CPM: variants seen among roughly 807,000 people sequenced by gnomAD.
CPM encodes renal carboxypeptidase.
In CPM, 35 loss-of-function variants were observed where a neutral mutation model predicts 46.4. The ratio of observed to expected loss-of-function variants is 0.75; its 90% CI spans 0.58 to 1.00. The LOEUF is 1.00. CPM is among the 50% of genes least tolerant of loss of function. The pLI is 0.00. For missense variants in CPM, 422 were observed against 530.4 expected (o/e 0.80, Z 2.01); for synonymous variants, 195 against 195.3 (o/e 1.00, Z 0.01).
intron 1 of CPM, among the ~76,000 whole-genome samples, chr12:68,944,242 T>C (rs1477415606): frequency 1.3e-5 from 2 of 152,184 alleles, no homozygotes; most frequent in Non-Finnish European, 2.9e-5. Flanking sequence ...TGCTAAGCAC[T>C]ATGAATACCA....
intron 1 of CPM, among the ~76,000 whole-genome samples, chr12:68,941,876 G>A (rs1888770436): frequency 6.6e-6 from 1 of 152,330 alleles, no homozygotes; most frequent in East Asian, 1.9e-4. Context: ...AAAAAGGAAA[G>A]TGACCTTGCA....
At chr12:68,875,803 C>CA (rs34998099) in intron 3 of CPM, among the ~76,000 whole-genome samples, 35,160 of 109,818 alleles carry the variant, frequency 0.32, 5,465 homozygotes, top group African/African-American at 0.5. Context: ...GACTCTGTCT[C>CA]AAAAAAAAAA....
At chr12:68,940,248 A>G (rs996559671) in intron 1 of CPM, among the ~76,000 whole-genome samples, 9 of 151,958 alleles carry the variant, frequency 5.9e-5, no homozygotes, top group African/African-American at 2.2e-4. Context: ...CTTATTATTA[A>G]CATCTTGGCG....
At chr12:68,929,128 G>T (rs1444102427) in intron 2 of CPM, among the ~76,000 whole-genome samples, 1 of 151,906 alleles carries the variant, frequency 6.6e-6, no homozygotes, top group Non-Finnish European at 1.5e-5. Context: ...CAACACAAGG[G>T]TTCATTTTTT....
At chr12:68,845,350 C>A (rs865821932) in intron 5 of CPM, 2 of 212,162 alleles carry the variant, frequency 9.4e-6, no homozygotes, top group Non-Finnish European at 1.9e-5. Context: ...TCTGAAAGCA[C>A]CAGCACTTGG....
chr12:68,861,685 C>T (rs1008083255), intron 7 of CPM, among the ~76,000 whole-genome samples: 12 of 151,832 alleles, frequency 7.9e-5, no homozygotes, highest in Admixed American at 2.0e-4. Context: ...CGCACCATCA[C>T]GCCCATCTTA....
rs947141688 is a variant in CPM at position 68,852,461 on chromosome 12, G to A, written c.*3976C>T. On this transcript the variant is annotated 3_prime_UTR_variant, in exon 9 of 9. Transcript: ENST00000551568. ...ACCAGTCACAGAATCACCGTTCAGC[G>A]TGGCGGGGGGTGGTCTCCATTTTAC... 7 of 152,248 alleles carry A rather than the reference G, an allele frequency of 4.6e-5. No individual in the cohort carries two copies. In the East Asian group the frequency reaches 9.7e-4, roughly 21 times the overall value. 9.4% of individuals were successfully genotyped at this position (152,248 alleles called of 1,614,324 possible).
rs188730859 is a variant in CPM, at chr12:68,956,111, C to T, written c.-4+7058G>A. On this transcript the variant is annotated intron_variant, in intron 1 of 8. Transcript: ENST00000546373. The stretch of plus-strand genomic sequence containing the variant: ...CACTGCTTTCCATGCTCGTCAGTGC[C>T]CAAAGTGTGGAGGGGTCCTAGGTGG... 1.6e-4 allele frequency among the ~76,000 whole-genome samples: 25 copies of T among 152,290 alleles called. 1 individual carries two copies. The East Asian group carries it at 3.3e-3, about 20-fold the overall frequency.
chr12:68,870,511 G>T, intron 4 of CPM, 112 bp from the exon 5 acceptor site: 1 of 907,118 alleles, frequency 1.1e-6, no homozygotes, highest in South Asian at 1.7e-5. Flanking sequence ...CGTGAGTATG[G>T]GTGTGGTGGA....
intron 2 of CPM, among the ~76,000 whole-genome samples, chr12:68,923,160 AGTGTGTGTGTGTGTGTGTGTGTGT>A (rs869087872): frequency 2.4e-4 from 11 of 45,716 alleles, no homozygotes; most frequent in Admixed American, 1.1e-3. Flanking sequence ...TTTGATATAG[AGTGTGTGTGTGTGTGTGTGTGTGT>A]GTGTGTGTGT....
At chr12:68,956,597 A>G (rs1347286471) in intron 1 of CPM, among the ~76,000 whole-genome samples, 1 of 152,208 alleles carries the variant, frequency 6.6e-6, no homozygotes, top group African/African-American at 2.4e-5. Context: ...TAATCATCAC[A>G]ACCCATTGGC....
At chr12:68,899,548 A>T (rs1887029496) in intron 2 of CPM, among the ~76,000 whole-genome samples, 2 of 152,252 alleles carry the variant, frequency 1.3e-5, no homozygotes, top group Admixed American at 1.3e-4. Context: ...TGGTGCTGTC[A>T]TGGAGAGACT....
At chr12:68,867,113 C>T in intron 6 of CPM, 65 bp from the exon 7 acceptor site, 1 of 1,509,308 alleles carries the variant, frequency 6.6e-7, no homozygotes, top group Non-Finnish European at 9.2e-7. Context: ...GTATCACGTG[C>T]CTCGGGGACA....
At chr12:68,925,178 T>C (rs1422986578) in intron 2 of CPM, among the ~76,000 whole-genome samples, 1 of 152,224 alleles carries the variant, frequency 6.6e-6, no homozygotes, top group Non-Finnish European at 1.5e-5. Flanking sequence ...TTTCTTAATA[T>C]GCATTTCCCA....
At position 68,856,681 on chromosome 12, in the gene CPM, TGAG is replaced by T; in HGVS notation, c.1090-5_1090-3del. 6.2e-7 allele frequency: 1 copy of T among 1,612,788 alleles called. No individual in the cohort carries two copies. The highest frequency in any genetic ancestry group is 2.2e-5 in the East Asian group (1 of 44,868). On this transcript the variant is annotated splice_polypyrimidine_tract_variant and splice_region_variant and intron_variant, in intron 8 of 8. Coordinates refer to ENST00000551568, the MANE Select transcript of CPM (RefSeq NM_198320.5). ...TGGATCATGTCCAGGGACTGTAACC[TGAG>T]AAGAAACAAGAGACAATTATATGAG...
At chr12:68,856,837 TGA>T (rs1884995892) in intron 8 of CPM, among the ~76,000 whole-genome samples, 158 bp from the exon 9 acceptor site, 1 of 152,258 alleles carries the variant, frequency 6.6e-6, no homozygotes, top group African/African-American at 2.4e-5. Flanking sequence ...TCCTGCAGGC[TGA>T]GTTATCCAAT....
intron 2 of CPM, among the ~76,000 whole-genome samples, chr12:68,905,915 C>T (rs1348004978): frequency 4.6e-5 from 7 of 152,136 alleles, no homozygotes; most frequent in Admixed American, 2.0e-4. Context: ...CTGGGGAACA[C>T]TGGTGACCAC....
chr12:68,942,641 A>T (rs893385124), intron 1 of CPM, among the ~76,000 whole-genome samples: 8 of 152,174 alleles, frequency 5.3e-5, no homozygotes, highest in African/African-American at 1.9e-4. Context: ...AGACAGAACA[A>T]ATCTCTGCCC....
chr12:68,949,550 A>AT (rs1888902799), intron 1 of CPM, among the ~76,000 whole-genome samples: 1 of 152,180 alleles, frequency 6.6e-6, no homozygotes, highest in Non-Finnish European at 1.5e-5. Flanking sequence ...TTCTTTAGAA[A>AT]TGTGGATAAT....
Sources: allele counts gnomAD v4.1 joint callset (sites outside exome capture counted in the v4.1 genomes callset), GRCh38; gene constraint gnomAD v4.1.1; transcripts MANE v1.5; gene names NCBI Gene and HGNC (gene_info 2026-07-23, HGNC 2026-07-21).